The following NEGR1 variants were observed in gnomAD, a reference collection of about 807,000 sequenced individuals.
NEGR1 encodes the protein neuronal growth regulator 1, also known as IgLON family member 4.
Under a neutral mutation model 40.9 loss-of-function variants are expected in NEGR1, and 10 were observed. The observed-to-expected ratio is 0.24, with a 90% CI of 0.15 to 0.42. The LOEUF is 0.42. Among genes scored for constraint, NEGR1 ranks in the 10% least tolerant of loss-of-function variants. NEGR1 has a pLI of 1.00. For synonymous variants in NEGR1, 185 were observed against 166.8 expected (o/e 1.11, Z -0.84); for missense variants, 352 against 438.9 (o/e 0.80, Z 1.77).
chr1:72,282,483 C>A lies in NEGR1; in HGVS notation c.12G>T (p.Met4Ile). 6.2e-7 allele frequency: 1 copy of A among 1,612,408 alleles called. No homozygotes were observed. The highest frequency in any genetic ancestry group is 1.1e-5 in the South Asian group (1 of 90,996). MDM[M>I]LLVQGACCSN... ...AGCAACAAGCACCCTGCACCAACAG[C>A]ATCATGTCCATCCCTGCTAGGGCTG... The change falls in exon 1 of 7, where the codon ATG (methionine) becomes ATT (isoleucine). Residue 4 changes from methionine (M) to isoleucine (I), a missense_variant. Transcript: ENST00000357731.
intron 5 of NEGR1, among the ~76,000 whole-genome samples, chr1:71,593,530 G>A (rs890045822): frequency 2.0e-5 from 3 of 152,158 alleles, no homozygotes; most frequent in South Asian, 2.1e-4. Flanking sequence ...CAGTCATATA[G>A]TATTGGAGAT....
At chr1:71,701,930 T>G (rs58308700) in intron 3 of NEGR1, among the ~76,000 whole-genome samples, 5,548 of 152,054 alleles carry the variant, frequency 0.036, 132 homozygotes, top group African/African-American at 0.071. Context: ...TATCAAGTAA[T>G]GTAAGTCTGA....
intron 4 of NEGR1, among the ~76,000 whole-genome samples, chr1:71,641,138 T>C (rs1429268273): frequency 2.0e-5 from 3 of 152,072 alleles, no homozygotes; most frequent in Admixed American, 2.0e-4. Flanking sequence ...AGTGCACAAG[T>C]CACCATTAGC....
intron 4 of NEGR1, among the ~76,000 whole-genome samples, chr1:71,678,851 A>C (rs1341778187): frequency 1.3e-5 from 2 of 152,138 alleles, no homozygotes; most frequent in East Asian, 3.9e-4. Flanking sequence ...GGGATACCAT[A>C]TTGAGAAAAG....
chr1:72,183,777 T>C (rs1292355608), intron 1 of NEGR1, among the ~76,000 whole-genome samples: 1 of 152,104 alleles, frequency 6.6e-6, no homozygotes, highest in African/African-American at 2.4e-5. Context: ...GTCTACAAAA[T>C]GTATAAGAAC....
chr1:71,796,031 A>T (rs1020797211), intron 2 of NEGR1, among the ~76,000 whole-genome samples: 1 of 152,142 alleles, frequency 6.6e-6, no homozygotes, highest in South Asian at 2.1e-4. Context: ...TGGTCATTAA[A>T]ATCTAGCTTT....
At chr1:71,504,166 G>A (rs369776007) in intron 6 of NEGR1, among the ~76,000 whole-genome samples, 52 of 151,566 alleles carry the variant, frequency 3.4e-4, no homozygotes, top group African/African-American at 1.2e-3. Flanking sequence ...ACCCAGAAGG[G>A]CAAGACCTCT....
chr1:71,828,152 ATAAT>A (rs988302305), intron 2 of NEGR1, among the ~76,000 whole-genome samples: 1 of 151,944 alleles, frequency 6.6e-6, no homozygotes, highest in African/African-American at 2.4e-5. Context: ...AATTGAATAA[ATAAT>A]TAGTTGCTCT....
Position 71,906,814 on chromosome 1 carries a change from G to A in NEGR1, c.409+28265C>T, listed in dbSNP as rs184494359. 2.0e-5 allele frequency among the ~76,000 whole-genome samples: 3 copies of A among 152,264 alleles called. No individual in the cohort carries two copies. The East Asian group carries it at 5.8e-4, about 29-fold the overall frequency. ...CATCTGCTAACTTAGATTTCAGGAGGTGGCTCTGGAGCTAAAACTAGCTGC... is the reference window on the plus strand; with the variant it reads ...CATCTGCTAACTTAGATTTCAGGAGATGGCTCTGGAGCTAAAACTAGCTGC... On this transcript the variant is annotated intron_variant, in intron 2 of 6. Coordinates refer to ENST00000357731, the MANE Select transcript of NEGR1 (RefSeq NM_173808.3).
chr1:72,141,174 G>A (rs1650663454), intron 1 of NEGR1, among the ~76,000 whole-genome samples: 1 of 152,112 alleles, frequency 6.6e-6, no homozygotes, highest in South Asian at 2.1e-4. Flanking sequence ...GGTGGACTTA[G>A]GGAGCCATGA....
At chr1:71,832,001 G>A (rs955521062) in intron 2 of NEGR1, among the ~76,000 whole-genome samples, 1 of 151,800 alleles carries the variant, frequency 6.6e-6, no homozygotes, top group African/African-American at 2.4e-5. Flanking sequence ...TAGGACTTTA[G>A]GAACACTGGA....
intron 1 of NEGR1, among the ~76,000 whole-genome samples, chr1:72,209,137 TA>T (rs1316228077): frequency 6.6e-6 from 1 of 151,650 alleles, no homozygotes; most frequent in East Asian, 1.9e-4. Flanking sequence ...TTTTTTTTCT[TA>T]TTATTAAACT....
intron 1 of NEGR1, among the ~76,000 whole-genome samples, chr1:72,063,234 T>G (rs1647205166): frequency 6.6e-6 from 1 of 151,892 alleles, no homozygotes; most frequent in East Asian, 1.9e-4. Flanking sequence ...TTTACACATG[T>G]GTTTTCTAAT....
chr1:72,171,548 CTG>C (rs1269578189), intron 1 of NEGR1, among the ~76,000 whole-genome samples: 1 of 152,146 alleles, frequency 6.6e-6, no homozygotes, highest in African/African-American at 2.4e-5. Flanking sequence ...TTATTTTTCG[CTG>C]TGAGTTCTTT....
intron 6 of NEGR1, chr1:71,476,730 C>A (rs1646823548): frequency 1.3e-5 from 2 of 152,080 alleles, no homozygotes. Context: ...AATGTTGTTA[C>A]ATATTAATAC....
intron 6 of NEGR1, among the ~76,000 whole-genome samples, chr1:71,499,382 T>C (rs357225): frequency 0.64 from 95,394 of 149,802 alleles, 30,814 homozygotes; most frequent in African/African-American, 0.7. Context: ...TGTGTTCTGC[T>C]ATTCTCCTTC....
intron 6 of NEGR1, among the ~76,000 whole-genome samples, chr1:71,522,497 G>A (rs1273301312): frequency 3.3e-5 from 5 of 151,326 alleles, no homozygotes; most frequent in African/African-American, 7.3e-5. Flanking sequence ...GAGTGGTAGC[G>A]AAAGAGGTAA....
chr1:71,641,478 C>A, intron 4 of NEGR1, among the ~76,000 whole-genome samples: 1 of 152,122 alleles, frequency 6.6e-6, no homozygotes, highest in South Asian at 2.1e-4. Flanking sequence ...TGGGTTTCCT[C>A]TGTATTCTTT....
At chr1:72,251,712 T>C (rs1655096882) in intron 1 of NEGR1, among the ~76,000 whole-genome samples, 1 of 152,228 alleles carries the variant, frequency 6.6e-6, no homozygotes, top group Admixed American at 6.5e-5. Context: ...TTGTTTTTTT[T>C]CCAGATATTT....
Sources: allele counts gnomAD v4.1 joint callset (sites outside exome capture counted in the v4.1 genomes callset), GRCh38; gene constraint gnomAD v4.1.1; transcripts MANE v1.5; gene names NCBI Gene and HGNC (gene_info 2026-07-23, HGNC 2026-07-21).